Variants in TBCCD1 observed in about 807,000 individuals in gnomAD.
TBCCD1 encodes the protein TBCC domain containing 1.
TBCCD1 carries 26 observed loss-of-function variants against 53.4 expected under a neutral mutation model. The observed-to-expected ratio is 0.49, with a 90% CI of 0.36 to 0.68. The LOEUF (loss-of-function observed/expected upper bound fraction) is 0.68. TBCCD1 is among the 30% of genes least tolerant of loss of function. The pLI is 0.00. For missense variants in TBCCD1, 558 were observed against 669.5 expected, an observed-to-expected ratio of 0.83 and a Z score of 1.84; for synonymous variants, 245 against 241.7, an observed-to-expected ratio of 1.01 and a Z score of -0.13.
intron 2 of TBCCD1, 77 bp downstream of exon 2, chr3:186,563,917 G>A: frequency 6.8e-7 from 1 of 1,461,808 alleles, no homozygotes; most frequent in Non-Finnish European, 9.1e-7. Flanking sequence ...ATTGTAATAA[G>A]CAAAAACATT....
At chr3:186,549,035 C>G (rs1459701267) in intron 7 of TBCCD1, among the ~76,000 whole-genome samples, 1 of 152,062 alleles carries the variant, frequency 6.6e-6, no homozygotes, top group African/African-American at 2.4e-5. Context: ...GCCTGTAATC[C>G]CAGCACTTTG....
chr3:186,549,899 A>G (rs1714320118), intron 7 of TBCCD1, among the ~76,000 whole-genome samples: 1 of 152,116 alleles, frequency 6.6e-6, no homozygotes, highest in Admixed American at 6.5e-5. Flanking sequence ...ACTATCTATT[A>G]TTGTCCTTTG....
upstream of TBCCD1, chr3:186,570,112 A>C (rs1321780897): frequency 1.4e-6 from 1 of 701,402 alleles, no homozygotes; most frequent in South Asian, 1.5e-5. Context: ...CTCACCACTA[A>C]GAAGCGGTGG....
chr3:186,562,732 G>T (rs536553945), intron 2 of TBCCD1, among the ~76,000 whole-genome samples: 1 of 150,796 alleles, frequency 6.6e-6, no homozygotes, highest in African/African-American at 2.4e-5. Flanking sequence ...AAAGAGGAGG[G>T]GGAACCTATG....
intron 2 of TBCCD1, among the ~76,000 whole-genome samples, chr3:186,561,645 C>T (rs569490060): frequency 3.3e-5 from 5 of 152,108 alleles, no homozygotes; most frequent in Non-Finnish European, 5.9e-5. Flanking sequence ...CAAAACTAGC[C>T]GGGCATGGTG....
intron 2 of TBCCD1, among the ~76,000 whole-genome samples, chr3:186,559,848 G>A (rs755137304): frequency 2.0e-5 from 3 of 152,060 alleles, no homozygotes; most frequent in African/African-American, 4.8e-5. Flanking sequence ...TATTGACACC[G>A]ATACAGTCAA....
At chr3:186,560,930 G>T (rs934749671) in intron 2 of TBCCD1, among the ~76,000 whole-genome samples, 35 of 152,168 alleles carry the variant, frequency 2.3e-4, no homozygotes, top group African/African-American at 8.4e-4. Context: ...AAATGCAAAA[G>T]AATGAAATTG....
At chr3:186,565,791 T>C (rs977721362) in intron 1 of TBCCD1, among the ~76,000 whole-genome samples, 10 of 152,370 alleles carry the variant, frequency 6.6e-5, no homozygotes, top group South Asian at 2.1e-4. Flanking sequence ...TTTTCAGATG[T>C]ACTTTTGTGA....
Position 186,554,918 on chromosome 3 carries a change from T to C in TBCCD1, c.1026A>G (p.Ile342Met). 3 of 1,613,738 alleles carry C rather than the reference T, an allele frequency of 1.9e-6. No homozygotes were observed. The highest frequency in any genetic ancestry group is 1.7e-6 in the Non-Finnish European group (2 of 1,180,010). The change falls in exon 5 of 8, where the codon ATA (isoleucine) becomes ATG (methionine). Residue 342 changes from isoleucine to methionine, a missense_variant. By Grantham distance (10) the Ile-to-Met change is conservative. Transcript: ENST00000338733. ...CTTACCGTAAGGGAGAGAGCAGATA[T>C]ATAAAAGATTCGTTGCAACGATGAA... ...VKIHRCNESF[I>M]YLLSPLRSVT...
At chr3:186,564,858 G>A (rs1188357486) in intron 1 of TBCCD1, among the ~76,000 whole-genome samples, 3 of 152,336 alleles carry the variant, frequency 2.0e-5, no homozygotes, top group East Asian at 3.9e-4. Flanking sequence ...AGGCAAGAAT[G>A]CTAATGTAAA....
intron 1 of TBCCD1, among the ~76,000 whole-genome samples, chr3:186,566,735 A>C (rs1462535406): frequency 6.6e-6 from 1 of 152,254 alleles, no homozygotes; most frequent in Admixed American, 6.5e-5. Context: ...CAGGGAGAGT[A>C]AACTCAAAAG....
rs141129700 is a variant in TBCCD1 at position 186,564,102 on chromosome 3, G to A, written c.228C>T (p.Phe76=). 4.8e-4 allele frequency: 774 copies of A among 1,614,108 alleles called. No homozygotes were observed. The highest frequency in any genetic ancestry group is 5.9e-4 in the Non-Finnish European group (700 of 1,180,034). ...QLAKDLAWLY[F]EIFDSLSMKT... ...TCATTGAAAGACTATCAAATATTTCGAAGTAAAGCCACGCCAGGTCCTTGG... is the reference window on the plus strand; with the variant it reads ...TCATTGAAAGACTATCAAATATTTCAAAGTAAAGCCACGCCAGGTCCTTGG... Residue 76 remains phenylalanine (F), a synonymous_variant, in exon 2 of 8, where the codon TTC becomes TTT. Coordinates refer to ENST00000338733, the MANE Select transcript of TBCCD1 (RefSeq NM_018138.5).
At chr3:186,565,255 C>T (rs1214531484) in intron 1 of TBCCD1, among the ~76,000 whole-genome samples, 3 of 151,800 alleles carry the variant, frequency 2.0e-5, no homozygotes, top group Non-Finnish European at 4.4e-5. Context: ...GGACTACAGG[C>T]GTCCACCACC....
At position 186,550,132 on chromosome 3, in the gene TBCCD1, CAGG is replaced by C. The variant is rs1378572264; in HGVS notation, c.*21+994_*21+996del. Among the ~76,000 whole-genome samples, 3 of 148,420 alleles carry C rather than the reference CAGG, an allele frequency of 2.0e-5. No individual in the cohort carries two copies. The South Asian group carries it at 6.3e-4, about 31-fold the overall frequency. On this transcript the variant is annotated intron_variant, in intron 7 of 7. Transcript: ENST00000338733. ...ATCTCAGCTACTTGGTAGGCTGAGG[CAGG>C]AGAATTGCTTGAACCGGGGGAGCGG...
intron 4 of TBCCD1, among the ~76,000 whole-genome samples, chr3:186,555,974 C>T (rs977695545): frequency 4.6e-5 from 7 of 152,092 alleles, no homozygotes; most frequent in South Asian, 2.1e-4. Context: ...ACAGTCACAC[C>T]GTTACGTGAC....
chr3:186,567,999 CT>C (rs1320550044), upstream of TBCCD1, among the ~76,000 whole-genome samples: 3 of 152,200 alleles, frequency 2.0e-5, no homozygotes, highest in African/African-American at 7.2e-5. Flanking sequence ...ACATTTCCTG[CT>C]TTTTTTAGTT....
At chr3:186,558,111 G>C (rs1371521478) in intron 3 of TBCCD1, among the ~76,000 whole-genome samples, 1 of 152,100 alleles carries the variant, frequency 6.6e-6, no homozygotes, top group Non-Finnish European at 1.5e-5. Context: ...ATGCTCCTTA[G>C]TCACATAAGT....
At chr3:186,561,671 C>A (rs1488045610) in intron 2 of TBCCD1, among the ~76,000 whole-genome samples, 1 of 152,142 alleles carries the variant, frequency 6.6e-6, no homozygotes, top group Non-Finnish European at 1.5e-5. Flanking sequence ...TGCCTGTAGT[C>A]CCAGCTACTC....
chr3:186,557,484 G>A (rs1714575684), intron 3 of TBCCD1, among the ~76,000 whole-genome samples: 1 of 152,174 alleles, frequency 6.6e-6, no homozygotes, highest in African/African-American at 2.4e-5. Flanking sequence ...TGAACATTCT[G>A]AATTTAAGCT....
Sources: allele counts gnomAD v4.1 joint callset (sites outside exome capture counted in the v4.1 genomes callset), GRCh38; gene constraint gnomAD v4.1.1; transcripts MANE v1.5; gene names NCBI Gene and HGNC (gene_info 2026-07-23, HGNC 2026-07-21).